HTT: variants seen among roughly 807,000 people sequenced by gnomAD.
HTT encodes the protein huntington disease protein.
In HTT, 104 loss-of-function variants were observed where a neutral mutation model predicts 362.3. The observed-to-expected ratio is 0.29, with a 90% CI of 0.24 to 0.34. HTT has a LOEUF of 0.34. HTT is among the 10% of genes least tolerant of loss of function. The probability of loss-of-function intolerance (pLI) is 1.00; values close to 1 mark genes in which losing one functional copy is unlikely to be tolerated. For missense variants in HTT, 3,301 were observed against 3,928.6 expected, an observed-to-expected ratio of 0.84 and a Z score of 4.27; for synonymous variants, 1,577 against 1,548.7, an observed-to-expected ratio of 1.02 and a Z score of -0.43.
chr4:3,227,867 G>A (rs1399213014), intron 57 of HTT, among the ~76,000 whole-genome samples: 1 of 152,218 alleles, frequency 6.6e-6, no homozygotes, highest in Non-Finnish European at 1.5e-5. Context: ...AGATGCCACT[G>A]GACTGAGCCG....
intron 2 of HTT, among the ~76,000 whole-genome samples, chr4:3,091,898 C>G (rs1210889930): frequency 6.6e-6 from 1 of 152,174 alleles, no homozygotes; most frequent in Non-Finnish European, 1.5e-5. Flanking sequence ...GCAGTTTTAC[C>G]TCTAGGGTGC....
intron 66 of HTT, 144 bp from the exon 67 acceptor site, chr4:3,239,702 C>G: frequency 1.6e-6 from 1 of 637,272 alleles, no homozygotes. Flanking sequence ...CTGGAGGCAT[C>G]CAGGTGGCCC....
intron 57 of HTT, among the ~76,000 whole-genome samples, chr4:3,227,982 T>C (rs1721000271): frequency 6.6e-6 from 1 of 152,182 alleles, no homozygotes; most frequent in Non-Finnish European, 1.5e-5. Flanking sequence ...CCTCGCCCAC[T>C]CCCTGCAGGG....
At position 3,239,856 on chromosome 4, in the gene HTT, G is replaced by A. The variant is rs573525160; in HGVS notation, c.9226G>A (p.Val3076Ile). Residue 3076 changes from valine to isoleucine, a missense_variant, in exon 67 of 67, where the codon GTC becomes ATC. Physicochemically the swap from Val to Ile is conservative, Grantham distance 29. Around this residue, in one of 4 missense-constraint regions of HTT, gnomAD observed 753 missense variants for 1,021.3 expected, o/e 0.74. Coordinates refer to ENST00000355072, the MANE Select transcript of HTT (RefSeq NM_001388492.1). ...SPWVAAILPH[V>I]ISRMGKLEQV... ...TAACTCCTGCACCAGCCTCCCACAT[G>A]TCATCAGCAGGATGGGCAAGCTGGA... 1.3e-5 allele frequency: 21 copies of A among 1,557,496 alleles called. No individual in the cohort carries two copies. The East Asian group carries it at 4.8e-4, about 35-fold the overall frequency.
rs1043700742 is a variant in HTT, at chr4:3,102,527, C to T, written c.469-1297C>T. On this transcript the variant is annotated intron_variant, in intron 3 of 66. Transcript: ENST00000355072. ...TGCAACAACAGGATTAGGATTTAAA[C>T]GTTTCTGAGATGTTTTTACTCCTCA... 4.6e-5 allele frequency among the ~76,000 whole-genome samples: 7 copies of T among 152,324 alleles called. No individual in the cohort carries two copies. In the South Asian group the frequency reaches 8.3e-4, roughly 18 times the overall value.
chr4:3,203,911 T>G, intron 41 of HTT, 96 bp from the exon 42 acceptor site: 1 of 1,230,818 alleles, frequency 8.1e-7, no homozygotes, highest in Non-Finnish European at 1.2e-6. Flanking sequence ...ACTTGTCTGT[T>G]TTAGAACTAG....
In HTT at chr4:3,207,353, C is replaced by G. The variant is rs371382571; in HGVS notation, c.6148C>G (p.Gln2050Glu). 59 of 1,611,316 alleles carry G rather than the reference C, an allele frequency of 3.7e-5. No homozygotes were observed. The highest frequency in any genetic ancestry group is 4.9e-5 in the Non-Finnish European group (58 of 1,178,472). The change falls in exon 45 of 67, where the codon CAG (glutamine) becomes GAG (glutamate). Residue 2050 changes from glutamine to glutamate, a missense_variant. By Grantham distance (29) the Gln-to-Glu change is conservative (BLOSUM62 2). Around this residue, in one of 4 missense-constraint regions of HTT, gnomAD observed 2,316 missense variants for 2,658.5 expected, o/e 0.87. Coordinates refer to ENST00000355072, the MANE Select transcript of HTT (RefSeq NM_001388492.1). Reference protein sequence around the residue: ...QEYLQSSGLAQRHQRLYSLLD... With the variant: ...QEYLQSSGLAERHQRLYSLLD... ...ATACCTTCAGAGCAGCGGGCTCGCTCAGAGGTAATGCTGGAAACACAGGTC... is the reference window on the plus strand; with the variant it reads ...ATACCTTCAGAGCAGCGGGCTCGCTGAGAGGTAATGCTGGAAACACAGGTC...
rs1160738052 is a variant in HTT at position 3,186,838 on chromosome 4, CTTTTTTT to C, written c.4989+135_4989+141del. Reference sequence around the variant, plus strand: ...TTGGGTAGGGCTTCTTGAGAGTTTGCTTTTTTTTTTTTTTTTTTTTTTGGTGTGGGGG... The same window carrying C: ...TTGGGTAGGGCTTCTTGAGAGTTTGCTTTTTTTTTTTTTTTGGTGTGGGGG... On this transcript the variant is annotated intron_variant, in intron 38 of 66. Coordinates refer to ENST00000355072, the MANE Select transcript of HTT (RefSeq NM_001388492.1). 2.6e-3 allele frequency: 663 copies of C among 250,602 alleles called. 2 individuals are homozygous for C. Among genetic ancestry groups the C allele is most frequent in the East Asian group, 0.025 (272 of 10,896 alleles). 15.5% of individuals were successfully genotyped at this position (250,602 alleles called of 1,614,324 possible).
chr4:3,227,106 T>C (rs1720958487), intron 57 of HTT, among the ~76,000 whole-genome samples: 1 of 152,224 alleles, frequency 6.6e-6, no homozygotes, highest in South Asian at 2.1e-4. Context: ...AGGTATTCCC[T>C]ATCCCCCCAA....
chr4:3,173,829 T>C (rs1430222114), intron 31 of HTT, among the ~76,000 whole-genome samples: 1 of 152,046 alleles, frequency 6.6e-6, no homozygotes, highest in Non-Finnish European at 1.5e-5. Context: ...CCATCACGCC[T>C]GGCTAACTTT....
intron 21 of HTT, among the ~76,000 whole-genome samples, chr4:3,137,263 T>G (rs1716114182): frequency 6.6e-6 from 1 of 152,214 alleles, no homozygotes; most frequent in East Asian, 1.9e-4. Context: ...AATTTACATT[T>G]CTTGAAATGT....
Position 3,160,227 on chromosome 4 carries a change from T to C in HTT, c.3754-55T>C, listed in dbSNP as rs958873333. 45 of 1,156,126 alleles carry C rather than the reference T, an allele frequency of 3.9e-5. 2 individuals carry two copies. The South Asian group carries it at 5.5e-4, about 14-fold the overall frequency. The allele number at this position is 1,156,126 out of a possible 1,614,324, so 71.6% of individuals were successfully genotyped here. A position where few individuals can be genotyped will look rare whatever the true frequency, so the allele number is the denominator to read the frequency against. Reference sequence around the variant, plus strand: ...CGATGTTTGTGTCTTTGGTTGTACATTATGAGATCGTGACAGGGCCAGTAA... The same window carrying C: ...CGATGTTTGTGTCTTTGGTTGTACACTATGAGATCGTGACAGGGCCAGTAA... On this transcript the variant is annotated intron_variant, in intron 28 of 66. Coordinates refer to ENST00000355072, the MANE Select transcript of HTT (RefSeq NM_001388492.1).
intron 12 of HTT, chr4:3,129,497 A>G (rs1017181590): frequency 6.2e-6 from 1 of 162,078 alleles, no homozygotes; most frequent in African/African-American, 2.4e-5. Flanking sequence ...GGCTAAACAT[A>G]TGAAATACCA....
intron 24 of HTT, 58 bp downstream of exon 24, chr4:3,145,286 A>G (rs1716546362): frequency 6.0e-6 from 7 of 1,165,802 alleles, no homozygotes; most frequent in Non-Finnish European, 6.4e-6. Context: ...ACATAAACAT[A>G]GTTATTAGGA....
chr4:3,165,704 G>A (rs1024519105), intron 29 of HTT, among the ~76,000 whole-genome samples: 5 of 151,328 alleles, frequency 3.3e-5, no homozygotes, highest in East Asian at 1.9e-4. Flanking sequence ...TGATTGAATC[G>A]GCTGTCGAAG....
chr4:3,133,641 C>CT (rs1715930446), intron 18 of HTT, among the ~76,000 whole-genome samples: 1 of 151,916 alleles, frequency 6.6e-6, no homozygotes, highest in Admixed American at 6.6e-5. Flanking sequence ...AGGCTCAATT[C>CT]TTTAAGTGAT....
At position 3,209,811 on chromosome 4, in the gene HTT, A is replaced by AT. The variant is rs762965392; in HGVS notation, c.6292-9dup. On this transcript the variant is annotated splice_polypyrimidine_tract_variant and intron_variant, in intron 46 of 66. Coordinates refer to ENST00000355072, the MANE Select transcript of HTT (RefSeq NM_001388492.1). The stretch of plus-strand genomic sequence containing the variant: ...GCCGCCCATCATGTTCCCCTTATCC[A>AT]TTTTTTTCTTCCCAGGACTGGTACG... 19 of 1,612,794 alleles carry AT rather than the reference A, an allele frequency of 1.2e-5. No individual in the cohort carries two copies. Among genetic ancestry groups the AT allele is most frequent in the Non-Finnish European group, 1.6e-5 (19 of 1,179,408 alleles).
intron 29 of HTT, among the ~76,000 whole-genome samples, chr4:3,165,872 A>G (rs991292750): frequency 1.3e-5 from 2 of 152,036 alleles, no homozygotes; most frequent in Admixed American, 6.5e-5. Flanking sequence ...TTTAGCTCGG[A>G]GAAGTTTGTT....
chr4:3,120,533 G>T (rs1715246304), intron 8 of HTT, among the ~76,000 whole-genome samples: 1 of 152,218 alleles, frequency 6.6e-6, no homozygotes, highest in South Asian at 2.1e-4. Flanking sequence ...AGCAGGAAGT[G>T]AGCAGCAGGT....
Sources: gnomAD v4.1 joint callset for allele counts (sites outside exome capture counted in the v4.1 genomes callset) on GRCh38, gnomAD v4.1.1 for gene constraint, gnomAD v4.1.1 regional missense constraint, MANE v1.5 for transcripts, NCBI Gene and HGNC (gene_info 2026-07-23, HGNC 2026-07-21) for gene names.